Variants in LRRTM4 observed in about 807,000 individuals in gnomAD.
LRRTM4 encodes leucine-rich repeat transmembrane neuronal protein 4.
Under a neutral mutation model 47.6 loss-of-function variants are expected in LRRTM4, and 25 were observed. The observed-to-expected ratio is 0.53, with a 90% CI of 0.38 to 0.73. The LOEUF is 0.73. LRRTM4 is among the 30% of genes least tolerant of loss of function. The pLI is 0.00. For synonymous variants in LRRTM4, 311 were observed against 269.5 expected, an observed-to-expected ratio of 1.15 and a Z score of -1.51; for missense variants, 638 against 713.4, an observed-to-expected ratio of 0.89 and a Z score of 1.20.
intron 3 of LRRTM4, among the ~76,000 whole-genome samples, chr2:77,116,908 C>T (rs1671403134): frequency 6.6e-6 from 1 of 151,942 alleles, no homozygotes; most frequent in Non-Finnish European, 1.5e-5. Flanking sequence ...TCACTTTAAG[C>T]ATATTCTTGA....
rs190878942 is a variant in LRRTM4 at position 77,119,228 on chromosome 2, G to T, written c.1552-370312C>A. Among the ~76,000 whole-genome samples, 29 of 151,802 alleles carry T rather than the reference G, an allele frequency of 1.9e-4. No individual in the cohort carries two copies. The East Asian group carries it at 4.1e-3, about 21-fold the overall frequency. On this transcript the variant is annotated intron_variant, in intron 3 of 3. Transcript: ENST00000409884. ...TCTAACTTCCATCTTCTCTTTTCTTGAATTTCTTGAGTCTACTTTCTTCCT... is the reference window on the plus strand; with the variant it reads ...TCTAACTTCCATCTTCTCTTTTCTTTAATTTCTTGAGTCTACTTTCTTCCT...
intron 3 of LRRTM4, among the ~76,000 whole-genome samples, chr2:76,881,328 T>C (rs952965348): frequency 3.3e-5 from 5 of 152,172 alleles, no homozygotes; most frequent in African/African-American, 1.2e-4. Flanking sequence ...GAATTTACTA[T>C]TCACACATGG....
At chr2:77,475,233 C>T (rs1043286794) in intron 3 of LRRTM4, among the ~76,000 whole-genome samples, 1 of 152,038 alleles carries the variant, frequency 6.6e-6, no homozygotes, top group Non-Finnish European at 1.5e-5. Context: ...ACAGGTGGTA[C>T]TGTTTTTGCA....
At chr2:77,089,848 CG>C (rs1680870374) in intron 3 of LRRTM4, among the ~76,000 whole-genome samples, 1 of 152,128 alleles carries the variant, frequency 6.6e-6, no homozygotes, top group Admixed American at 6.5e-5. Context: ...TAATTCTTGT[CG>C]TAAAATAGGC....
intron 3 of LRRTM4, among the ~76,000 whole-genome samples, chr2:77,113,643 A>C (rs962707230): frequency 4.0e-5 from 6 of 151,832 alleles, no homozygotes; most frequent in African/African-American, 1.2e-4. Context: ...AGAAAGGGGC[A>C]TTGGGGGAGC....
intron 3 of LRRTM4, among the ~76,000 whole-genome samples, chr2:77,486,005 CT>C (rs1337554551): frequency 1.3e-5 from 2 of 151,998 alleles, no homozygotes; most frequent in African/African-American, 4.8e-5. Flanking sequence ...TCTCAGAGTG[CT>C]AGGATTACAG....
At position 76,782,475 on chromosome 2, in the gene LRRTM4, A is replaced by G. The variant is rs181750627; in HGVS notation, c.1552-33559T>C. On this transcript the variant is annotated intron_variant, in intron 3 of 3. Coordinates refer to ENST00000409884, the MANE Select transcript of LRRTM4 (RefSeq NM_001134745.3). ...AAACATGTTTTAAGCAAATATTCAC[A>G]ACACTTGAGCTCACTGCAATAGCAA... Among the ~76,000 whole-genome samples the G allele has an allele frequency of 2.5e-3, 385 of 152,330 alleles. 3 individuals are homozygous for G. The highest frequency in any genetic ancestry group is 7.0e-3 in the Admixed American group (107 of 15,298).
intron 3 of LRRTM4, among the ~76,000 whole-genome samples, chr2:77,315,429 C>T (rs2104210424): frequency 6.6e-6 from 1 of 152,176 alleles, no homozygotes. Context: ...GTTTTTGTCA[C>T]TGAAGGTTTT....
intron 3 of LRRTM4, among the ~76,000 whole-genome samples, chr2:76,862,091 G>A (rs2104012576): frequency 6.6e-6 from 1 of 151,694 alleles, no homozygotes; most frequent in East Asian, 1.9e-4. Flanking sequence ...TTTAAATAAA[G>A]CAAGTGTTTT....
At chr2:77,206,131 C>G (rs1674118207) in intron 3 of LRRTM4, among the ~76,000 whole-genome samples, 5 of 151,800 alleles carry the variant, frequency 3.3e-5, no homozygotes. Context: ...GCATGAGCCA[C>G]CATGCCTAGC....
chr2:77,134,977 C>T (rs1037860787), intron 3 of LRRTM4, among the ~76,000 whole-genome samples: 34 of 139,934 alleles, frequency 2.4e-4, no homozygotes, highest in African/African-American at 8.7e-4. Context: ...TCCTTAAGAA[C>T]ACCCAATACC....
intron 3 of LRRTM4, among the ~76,000 whole-genome samples, chr2:77,401,832 G>A (rs569836993): frequency 6.6e-6 from 1 of 151,964 alleles, no homozygotes; most frequent in Admixed American, 6.6e-5. Flanking sequence ...TATCTTCTAC[G>A]ATTAGATGTA....
In LRRTM4 at chr2:77,223,276, G is replaced by A. The variant is rs372175714; in HGVS notation, c.1551+295042C>T. Among the ~76,000 whole-genome samples the A allele has an allele frequency of 7.2e-5, 11 of 152,248 alleles. No individual in the cohort carries two copies. In the East Asian group the frequency reaches 1.4e-3, roughly 19 times the overall value. On this transcript the variant is annotated intron_variant, in intron 3 of 3. Transcript: ENST00000409884. ...CATACTGAATGCACAAAAACTGGAAGCATTCCCTTTGAAAACTGGCACAAG... is the reference window on the plus strand; with the variant it reads ...CATACTGAATGCACAAAAACTGGAAACATTCCCTTTGAAAACTGGCACAAG...
chr2:77,486,297 G>T (rs1677907495), intron 3 of LRRTM4, among the ~76,000 whole-genome samples: 1 of 152,120 alleles, frequency 6.6e-6, no homozygotes, highest in African/African-American at 2.4e-5. Flanking sequence ...TTTAAAAATT[G>T]CATATGTTAT....
At chr2:76,941,960 C>G (rs955957376) in intron 3 of LRRTM4, among the ~76,000 whole-genome samples, 1 of 152,160 alleles carries the variant, frequency 6.6e-6, no homozygotes, top group Admixed American at 6.6e-5. Context: ...TTTTCCACAT[C>G]GTCTCCAGCA....
intron 3 of LRRTM4, among the ~76,000 whole-genome samples, chr2:77,245,380 C>T (rs904874977): frequency 6.6e-6 from 1 of 151,496 alleles, no homozygotes; most frequent in African/African-American, 2.4e-5. Context: ...AACCTCATCT[C>T]TACAAAAAAT....
At position 76,867,792 on chromosome 2, in the gene LRRTM4, A is replaced by G. The variant is rs139742435; in HGVS notation, c.1552-118876T>C. Among the ~76,000 whole-genome samples the G allele has an allele frequency of 2.4e-3, 371 of 152,210 alleles. 7 individuals carry two copies. The highest frequency in any genetic ancestry group is 8.6e-3 in the African/African-American group (357 of 41,524). ...CTGAGTTATGAGTTGTCTGGAATAG[A>G]ATATATTTTCTATCAGGTACACCCT... On this transcript the variant is annotated intron_variant, in intron 3 of 3. Coordinates refer to ENST00000409884, the MANE Select transcript of LRRTM4 (RefSeq NM_001134745.3).
At chr2:77,477,374 T>G (rs1203096080) in intron 3 of LRRTM4, among the ~76,000 whole-genome samples, 2 of 152,122 alleles carry the variant, frequency 1.3e-5, no homozygotes, top group African/African-American at 2.4e-5. Context: ...GAGGTGAAAT[T>G]TGTCAAGGTA....
At chr2:77,272,312 T>C (rs144102790) in intron 3 of LRRTM4, among the ~76,000 whole-genome samples, 15 of 152,212 alleles carry the variant, frequency 9.9e-5, no homozygotes, top group African/African-American at 3.6e-4. Flanking sequence ...TAGAAAGATG[T>C]TATGGTTCAA....
Sources: gnomAD v4.1 joint callset for allele counts (sites outside exome capture counted in the v4.1 genomes callset) on GRCh38, gnomAD v4.1.1 for gene constraint, MANE v1.5 for transcripts, NCBI Gene and HGNC (gene_info 2026-07-23, HGNC 2026-07-21) for gene names.